NFE2L1: variants seen among roughly 807,000 people sequenced by gnomAD.
NFE2L1 encodes NFE2 like bZIP transcription factor 1, also known as endoplasmic reticulum membrane sensor NFE2L1.
NFE2L1 carries 18 observed loss-of-function variants against 61.6 expected under a neutral mutation model. The ratio of observed to expected loss-of-function variants is 0.29; its 90% CI spans 0.20 to 0.43. The LOEUF is 0.43. Among genes scored for constraint, NFE2L1 ranks in the 20% least tolerant of loss-of-function variants. The pLI is 1.00. For synonymous variants in NFE2L1, 419 were observed against 402.7 expected (o/e 1.04, Z -0.48); for missense variants, 827 against 973.5 (o/e 0.85, Z 2.00).
rs542953606 is a variant in NFE2L1 at position 48,059,072 on chromosome 17, C to G, written c.1750C>G (p.Leu584Val). ...NHTYNMAPSA[L>V]DSADLPPPSA... ...CACATACAACATGGCACCCAGTGCC[C>G]TGGACTCAGCCGACCTGCCACCACC... Residue 584 changes from leucine to valine, a missense_variant, in exon 6 of 6, where the codon CTG (leucine) becomes GTG (valine). Around this residue, in one of 3 missense-constraint regions of NFE2L1, gnomAD observed 667 missense variants for 748.4 expected, o/e 0.89. Transcript: ENST00000362042. The surrounding 1 kb of genome is among the most constrained non-coding windows in gnomAD (Gnocchi z 6.1). 3.7e-5 allele frequency: 60 copies of G among 1,614,112 alleles called. No individual in the cohort carries two copies. In the South Asian group the frequency reaches 6.1e-4, roughly 17 times the overall value.
Position 48,061,298 on chromosome 17 carries a change from T to C in NFE2L1, c.*1657T>C, listed in dbSNP as rs1025176168. 2.0e-5 allele frequency: 3 copies of C among 152,154 alleles called. No homozygotes were observed. The highest frequency in any genetic ancestry group is 7.2e-5 in the African/African-American group (3 of 41,432). The allele number at this position is 152,154 out of a possible 1,614,324, so 9.4% of individuals were successfully genotyped here. A position where few individuals can be genotyped will look rare whatever the true frequency, so the allele number is the denominator to read the frequency against. On this transcript the variant is annotated 3_prime_UTR_variant, in exon 6 of 6. Transcript: ENST00000362042. ...AAATGGGGGTGGGGGGAAGCACTGA[T>C]TCCCAGTTAGGGGGTGCCTAACTGA...
intron 1 of NFE2L1, among the ~76,000 whole-genome samples, chr17:48,049,376 T>G (rs2144340702): frequency 6.6e-6 from 1 of 152,224 alleles, no homozygotes; most frequent in Middle Eastern, 3.4e-3. Context: ...CTTTTTTTCT[T>G]TCCTTTTCTT....
At chr17:48,056,923 C>A in intron 3 of NFE2L1, 109 bp from the exon 4 acceptor site, 1 of 1,122,010 alleles carries the variant, frequency 8.9e-7, no homozygotes, top group South Asian at 1.4e-5. Context: ...CAGCCATTAG[C>A]CTGGGAATGG....
chr17:48,056,036 TAG>T, intron 2 of NFE2L1: 1 of 254,382 alleles, frequency 3.9e-6, no homozygotes, highest in South Asian at 6.7e-5. Context: ...TCCCCAAAGC[TAG>T]AGGTGTCTCC....
chr17:48,049,107 T>TC (rs1266060464), intron 1 of NFE2L1: 2 of 151,678 alleles, frequency 1.3e-5, no homozygotes, highest in South Asian at 2.1e-4. Flanking sequence ...TAGCTCGCTC[T>TC]CCCCCTGTAG....
chr17:48,059,457 A>G lies in NFE2L1; in HGVS notation c.2135A>G (p.Gln712Arg), dbSNP rs1260746845. Residue 712 changes from glutamine to arginine, a missense_variant, in exon 6 of 6, where the codon CAG becomes CGG. This residue lies in a region of NFE2L1 where 86 missense variants were observed against 97.3 expected (regional missense o/e 0.88). Transcript: ENST00000362042. The surrounding 1 kb of genome is among the most constrained non-coding windows in gnomAD (Gnocchi z 6.1). The stretch of plus-strand genomic sequence containing the variant: ...CTGCGCTCCCTGCGACAGATGAAGC[A>G]GAAGGTCCAGAGCCTGTACCAGGAG... Reference protein sequence around the residue: ...EFLRSLRQMKQKVQSLYQEVF... With the variant: ...EFLRSLRQMKRKVQSLYQEVF... 6.2e-7 allele frequency: 1 copy of G among 1,614,076 alleles called. No individual in the cohort carries two copies. The highest frequency in any genetic ancestry group is 1.3e-5 in the African/African-American group (1 of 74,938).
chr17:48,051,364 GCTC>G lies in NFE2L1; in HGVS notation c.250_252del (p.Leu84del), dbSNP rs1567751112. The stretch of plus-strand genomic sequence containing the variant: ...TGGACAATTACTTCACTGCCCGGCG[GCTC>G]CTCAGTCAGGTGAGGGCCCTGGACA... On this transcript the variant is annotated inframe_deletion, in exon 2 of 6. Coordinates refer to ENST00000362042, the MANE Select transcript of NFE2L1 (RefSeq NM_003204.3). The G allele has an allele frequency of 6.2e-7, 1 of 1,614,182 alleles. No homozygotes were observed. Among genetic ancestry groups the G allele is most frequent in the East Asian group, 2.2e-5 (1 of 44,878 alleles).
At chr17:48,054,471 T>G in intron 2 of NFE2L1, 97 of 465,344 alleles carry the variant, frequency 2.1e-4, no homozygotes, top group Middle Eastern at 7.0e-4. Flanking sequence ...AGCGGAGACT[T>G]GGGGGAGGAG....
In NFE2L1 at chr17:48,059,573, A is replaced by G. The variant is rs2037496289; in HGVS notation, c.2251A>G (p.Ile751Val). 1.2e-6 allele frequency: 2 copies of G among 1,603,822 alleles called. No homozygotes were observed. Among genetic ancestry groups the G allele is most frequent in the South Asian group, 1.1e-5 (1 of 90,412 alleles). ...QYAGDGSVLL[I>V]PRTMADQQAR... is the part of the protein sequence containing the mutation. ...CGCCGGGGACGGCAGTGTCCTCCTC[A>G]TCCCCCGCACGATGGCCGACCAGCA... Residue 751 changes from isoleucine (I) to valine (V), a missense_variant, in exon 6 of 6, where the codon ATC (isoleucine) becomes GTC (valine). By Grantham distance (29) the Ile-to-Val change is conservative (BLOSUM62 3). This residue lies in a region of NFE2L1 where 86 missense variants were observed against 97.3 expected (regional missense o/e 0.88). Transcript: ENST00000362042. The surrounding 1 kb of genome is among the most constrained non-coding windows in gnomAD (Gnocchi z 6.1).
intron 3 of NFE2L1, among the ~76,000 whole-genome samples, 171 bp downstream of exon 3, chr17:48,056,769 G>C (rs760963313): frequency 3.3e-5 from 5 of 152,336 alleles, no homozygotes; most frequent in African/African-American, 4.8e-5. Flanking sequence ...AGCCTTGGAA[G>C]GGGGGAGTGG....
chr17:48,054,965 A>C (rs925540550), intron 2 of NFE2L1: 1 of 1,471,702 alleles, frequency 6.8e-7, no homozygotes, highest in African/African-American at 1.5e-5. Context: ...AGCTCCTTGC[A>C]GCCCCCTGTC....
chr17:48,056,657 A>G, intron 3 of NFE2L1, 59 bp downstream of exon 3: 1 of 1,576,582 alleles, frequency 6.3e-7, no homozygotes, highest in Non-Finnish European at 8.6e-7. Flanking sequence ...GACACAAACC[A>G]GGCTGGAGTT....
At position 48,058,685 on chromosome 17, in the gene NFE2L1, C is replaced by T; in HGVS notation, c.1363C>T (p.Leu455=). The T allele has an allele frequency of 4.3e-6, 7 of 1,614,200 alleles. No individual in the cohort carries two copies. The highest frequency in any genetic ancestry group is 5.9e-6 in the Non-Finnish European group (7 of 1,180,034). ...GTTGGATGAGATCAGCCTTATGGAC[C>T]TGGCCATTGAAGAAGGCTTTAACCC... The part of the protein sequence containing the change: ...AMLDEISLMD[L]AIEEGFNPVQ... The change falls in exon 6 of 6, where the codon CTG becomes TTG. Residue 455 remains leucine, a synonymous_variant. Transcript: ENST00000362042.
At chr17:48,050,355 T>C (rs1346445612) in intron 1 of NFE2L1, among the ~76,000 whole-genome samples, 3 of 152,152 alleles carry the variant, frequency 2.0e-5, no homozygotes, top group South Asian at 4.1e-4. Flanking sequence ...GGCAGGCGCC[T>C]GTAATCCCAG....
chr17:48,053,566 C>T (rs1392874783), intron 2 of NFE2L1, among the ~76,000 whole-genome samples: 1 of 152,210 alleles, frequency 6.6e-6, no homozygotes, highest in Non-Finnish European at 1.5e-5. Flanking sequence ...TAGGATTCCC[C>T]TTGAGATTGG....
chr17:48,059,754 ATCTT>A lies in NFE2L1; in HGVS notation c.*114_*117del. 7.2e-7 allele frequency: 1 copy of A among 1,392,374 alleles called. No individual in the cohort carries two copies. The highest frequency in any genetic ancestry group is 9.5e-7 in the Non-Finnish European group (1 of 1,057,308). 86.3% of individuals were successfully genotyped at this position (1,392,374 alleles called of 1,614,324 possible). On this transcript the variant is annotated 3_prime_UTR_variant, in exon 6 of 6. Coordinates refer to ENST00000362042, the MANE Select transcript of NFE2L1 (RefSeq NM_003204.3). This position sits in a 1 kb window ranked among gnomAD's most constrained non-coding sequence, Gnocchi z 6.1. ...ACTTAAATGCCTTCTTATCCAATATATCTTCTCAGATGGGATGACTGCGGGTCAG... is the reference window on the plus strand; with the variant it reads ...ACTTAAATGCCTTCTTATCCAATATACTCAGATGGGATGACTGCGGGTCAG...
In NFE2L1 at chr17:48,051,089, A is replaced by G. The variant is rs747673053; in HGVS notation, c.-30A>G. 43 of 1,613,802 alleles carry G rather than the reference A, an allele frequency of 2.7e-5. No homozygotes were observed. The highest frequency in any genetic ancestry group is 3.4e-5 in the Non-Finnish European group (40 of 1,179,906). The stretch of plus-strand genomic sequence containing the variant: ...TGTCTTTTGGAAGATTTTAAAAACC[A>G]AAAAGCATAAACATTCTGGTCCTTC... On this transcript the variant is annotated 5_prime_UTR_variant, in exon 2 of 6. Coordinates refer to ENST00000362042, the MANE Select transcript of NFE2L1 (RefSeq NM_003204.3).
Position 48,056,486 on chromosome 17 carries a change from A to T in NFE2L1, c.611A>T (p.Glu204Val). 6.2e-7 allele frequency: 1 copy of T among 1,614,150 alleles called. No homozygotes were observed. The highest frequency in any genetic ancestry group is 8.5e-7 in the Non-Finnish European group (1 of 1,180,022). ...YSHRQKEQDV[E>V]KELRDGGEQD... ...CACCGCCAGAAGGAGCAGGATGTGG[A>T]GAAGGAGCTGCGAGATGGAGGCGAG... The change falls in exon 3 of 6, where the codon GAG becomes GTG. Residue 204 changes from glutamate to valine, a missense_variant. Glu to Val is a moderately radical substitution (Grantham distance 121). This residue lies in a region of NFE2L1 where 667 missense variants were observed against 748.4 expected (regional missense o/e 0.89). Coordinates refer to ENST00000362042, the MANE Select transcript of NFE2L1 (RefSeq NM_003204.3).
chr17:48,056,262 G>C (rs528960203), intron 2 of NFE2L1, 124 bp from the exon 3 acceptor site: 11 of 950,896 alleles, frequency 1.2e-5, no homozygotes, highest in Non-Finnish European at 1.8e-5. Context: ...AGGCTGGCAG[G>C]TGAAGAGCTG....
Sources: allele counts gnomAD v4.1 joint callset (sites outside exome capture counted in the v4.1 genomes callset), GRCh38; gene constraint gnomAD v4.1.1; regional missense constraint gnomAD v4.1.1; non-coding constraint Gnocchi (gnomAD v3.1); transcripts MANE v1.5; gene names NCBI Gene and HGNC (gene_info 2026-07-23, HGNC 2026-07-21).